BICD1: variants seen among roughly 807,000 people sequenced by gnomAD.
BICD1 encodes the protein BICD cargo adaptor 1, also known as protein bicaudal D homolog 1.
A neutral mutation model predicts 92.5 loss-of-function variants in BICD1; 35 were observed. The observed-to-expected ratio is 0.38, with a 90% CI of 0.29 to 0.50. The LOEUF (loss-of-function observed/expected upper bound fraction) is 0.50. BICD1 is among the 20% of genes least tolerant of loss of function. The pLI is 0.93. For synonymous variants in BICD1, 429 were observed against 465.1 expected, an observed-to-expected ratio of 0.92 and a Z score of 1.00; for missense variants, 950 against 1,189.8, an observed-to-expected ratio of 0.80 and a Z score of 2.97.
chr12:32,219,441 G>A (rs1945450796), intron 2 of BICD1, among the ~76,000 whole-genome samples: 1 of 152,080 alleles, frequency 6.6e-6, no homozygotes, highest in South Asian at 2.1e-4. Context: ...GAAAGTTTTA[G>A]TATTAAATTC....
At chr12:32,190,161 A>G (rs1406772600) in intron 1 of BICD1, among the ~76,000 whole-genome samples, 1 of 152,256 alleles carries the variant, frequency 6.6e-6, no homozygotes, top group African/African-American at 2.4e-5. Flanking sequence ...AAAAATTTAA[A>G]GTCACAAAGC....
chr12:32,259,035 C>T (rs1269451594), intron 2 of BICD1, among the ~76,000 whole-genome samples: 1 of 152,172 alleles, frequency 6.6e-6, no homozygotes, highest in Non-Finnish European at 1.5e-5. Context: ...CAGGTGCTTT[C>T]CCAGGCACTG....
intron 1 of BICD1, chr12:32,108,379 C>G: frequency 3.6e-6 from 1 of 279,532 alleles, no homozygotes; most frequent in Non-Finnish European, 6.7e-6. Flanking sequence ...TAAAGCCTGT[C>G]GGATGTATGG....
chr12:32,357,011 G>T (rs913209031), intron 8 of BICD1, among the ~76,000 whole-genome samples: 7 of 109,408 alleles, frequency 6.4e-5, no homozygotes, highest in Admixed American at 2.2e-4. Flanking sequence ...AGATTCTCCT[G>T]CTTTTTTTTT....
intron 1 of BICD1, among the ~76,000 whole-genome samples, chr12:32,193,995 A>G (rs1330903617): frequency 6.6e-6 from 1 of 152,228 alleles, no homozygotes; most frequent in Non-Finnish European, 1.5e-5. Flanking sequence ...TAAAAACATC[A>G]TACACCATAA....
intron 2 of BICD1, among the ~76,000 whole-genome samples, chr12:32,287,877 G>A (rs1461044357): frequency 1.3e-5 from 2 of 152,182 alleles, no homozygotes; most frequent in African/African-American, 4.8e-5. Flanking sequence ...GATTGCTCAT[G>A]TGGTTGCAGT....
intron 1 of BICD1, among the ~76,000 whole-genome samples, chr12:32,212,775 A>G (rs1432201987): frequency 6.6e-6 from 1 of 152,134 alleles, no homozygotes; most frequent in Admixed American, 6.5e-5. Flanking sequence ...TTATGCCAGA[A>G]AGCCACCGTA....
At chr12:32,275,888 A>G (rs1947261324) in intron 2 of BICD1, among the ~76,000 whole-genome samples, 1 of 152,112 alleles carries the variant, frequency 6.6e-6, no homozygotes, top group Non-Finnish European at 1.5e-5. Context: ...CACAGCTTCT[A>G]ATAGCTCATC....
intron 1 of BICD1, among the ~76,000 whole-genome samples, chr12:32,166,076 TC>T (rs1943755433): frequency 6.6e-6 from 1 of 152,066 alleles, no homozygotes; most frequent in Non-Finnish European, 1.5e-5. Context: ...TTACTCCTTC[TC>T]CCTGGGACAT....
intron 5 of BICD1, among the ~76,000 whole-genome samples, chr12:32,330,728 C>G (rs1443731527): frequency 6.6e-6 from 1 of 152,080 alleles, no homozygotes; most frequent in African/African-American, 2.4e-5. Flanking sequence ...TCAGAGTGGT[C>G]ATAAATAACC....
chr12:32,248,826 T>C (rs1259608334), intron 2 of BICD1, among the ~76,000 whole-genome samples: 1 of 152,182 alleles, frequency 6.6e-6, no homozygotes, highest in Non-Finnish European at 1.5e-5. Context: ...AAAAGCAGGT[T>C]GTTGGCTGCC....
intron 1 of BICD1, among the ~76,000 whole-genome samples, chr12:32,140,674 G>GACA (rs1942886430): frequency 2.0e-5 from 3 of 152,114 alleles, no homozygotes; most frequent in Non-Finnish European, 4.4e-5. Context: ...CACCGTATTT[G>GACA]ATTCTGTGTT....
chr12:32,279,514 C>A (rs1229830940), intron 2 of BICD1, among the ~76,000 whole-genome samples: 1 of 152,134 alleles, frequency 6.6e-6, no homozygotes, highest in Non-Finnish European at 1.5e-5. Flanking sequence ...ATAATGTGTT[C>A]TTTTGCACAA....
intron 2 of BICD1, among the ~76,000 whole-genome samples, chr12:32,279,124 T>C (rs1485658352): frequency 6.6e-6 from 1 of 152,222 alleles, no homozygotes; most frequent in Non-Finnish European, 1.5e-5. Context: ...AAGGACCACA[T>C]ATTCTATGAT....
At chr12:32,137,779 A>G (rs1942780631) in intron 1 of BICD1, among the ~76,000 whole-genome samples, 1 of 151,862 alleles carries the variant, frequency 6.6e-6, no homozygotes, top group Non-Finnish European at 1.5e-5. Flanking sequence ...AAAGGCCTCC[A>G]TTACTGGAGG....
chr12:32,121,559 C>T (rs1365633211), intron 1 of BICD1, among the ~76,000 whole-genome samples: 1 of 151,328 alleles, frequency 6.6e-6, no homozygotes, highest in Non-Finnish European at 1.5e-5. Context: ...CTCCATTGCA[C>T]TCCAGCCTGG....
chr12:32,196,877 G>A (rs2121540985), intron 1 of BICD1, among the ~76,000 whole-genome samples: 1 of 152,290 alleles, frequency 6.6e-6, no homozygotes, highest in Non-Finnish European at 1.5e-5. Flanking sequence ...AAATCATCAT[G>A]TTGTACGCCT....
intron 9 of BICD1, among the ~76,000 whole-genome samples, chr12:32,374,546 T>C (rs971899560): frequency 2.6e-4 from 39 of 149,942 alleles, no homozygotes; most frequent in African/African-American, 9.0e-4. Flanking sequence ...TTTTCTGTTT[T>C]AAATATTTTC....
rs145417267 is a variant in BICD1, at chr12:32,221,271, T to A, written c.426+4812T>A. Among the ~76,000 whole-genome samples, 1,013 of 147,894 alleles carry A rather than the reference T, an allele frequency of 6.8e-3. 8 individuals are homozygous for A. Among genetic ancestry groups the A allele is most frequent in the East Asian group, 0.018 (89 of 5,040 alleles). ...TAATAAAATTAAAAATTAAAAAATT[T>A]AAAAAAAAATGTAAAATGCTTCCAA... On this transcript the variant is annotated intron_variant, in intron 2 of 9. Coordinates refer to ENST00000652176, the MANE Select transcript of BICD1 (RefSeq NM_001714.4).
Sources: gnomAD v4.1 joint callset for allele counts (sites outside exome capture counted in the v4.1 genomes callset) on GRCh38, gnomAD v4.1.1 for gene constraint, MANE v1.5 for transcripts, NCBI Gene and HGNC (gene_info 2026-07-23, HGNC 2026-07-21) for gene names.